PTPRU: variants seen among roughly 807,000 people sequenced by gnomAD.
The protein encoded by PTPRU is protein tyrosine phosphatase receptor type U, also known as receptor-type tyrosine-protein phosphatase U.
Under a neutral mutation model 166.3 loss-of-function variants are expected in PTPRU, and 69 were observed. The ratio of observed to expected loss-of-function variants is 0.41; its 90% CI spans 0.34 to 0.51. The LOEUF (loss-of-function observed/expected upper bound fraction) is 0.51, where lower values mean the gene tolerates loss of function less well. PTPRU is among the 20% of genes least tolerant of loss of function. PTPRU has a pLI of 0.09. For synonymous variants in PTPRU, 793 were observed against 814.0 expected (o/e 0.97, Z 0.44); for missense variants, 1,657 against 2,013.7 (o/e 0.82, Z 3.39).
intron 15 of PTPRU, among the ~76,000 whole-genome samples, chr1:29,299,434 TG>T (rs1318461756): frequency 3.3e-5 from 5 of 152,160 alleles, no homozygotes; most frequent in African/African-American, 1.2e-4. Flanking sequence ...AGTAGGGACC[TG>T]TCCTCTCTGG....
intron 7 of PTPRU, among the ~76,000 whole-genome samples, chr1:29,265,350 C>T (rs564315702): frequency 1.3e-4 from 19 of 151,972 alleles, no homozygotes; most frequent in South Asian, 2.1e-4. Flanking sequence ...CTAGTGATGT[C>T]GAACATCTTT....
Position 29,315,461 on chromosome 1 carries a change from G to A in PTPRU, c.3317G>A (p.Cys1106Tyr). 6.2e-7 allele frequency: 1 copy of A among 1,614,166 alleles called. No individual in the cohort carries two copies. Among genetic ancestry groups the A allele is most frequent in the Non-Finnish European group, 8.5e-7 (1 of 1,180,032 alleles). Residue 1106 changes from cysteine to tyrosine, a missense_variant, in exon 23 of 30, where the codon TGT (cysteine) becomes TAT (tyrosine). By Grantham distance (194) the Cys-to-Tyr change is radical. Around this residue, in one of 3 missense-constraint regions of PTPRU, gnomAD observed 1,190 missense variants for 1,477.4 expected, o/e 0.81. Transcript: ENST00000373779. This position sits in a 1 kb window ranked among gnomAD's most constrained non-coding sequence, Gnocchi z 4.5. ...GAGGGCGTCGTGGACATTTACAACT[G>A]TGTGAAGACTCTCTGCTCCCGGCGT... ...ECEGVVDIYNCVKTLCSRRVN... is the reference protein window; with the variant it reads ...ECEGVVDIYNYVKTLCSRRVN...
intron 26 of PTPRU, chr1:29,323,084 T>TCGCC: frequency 2.8e-6 from 1 of 362,394 alleles, no homozygotes; most frequent in Non-Finnish European, 5.3e-6. Context: ...CCGGTTAAGG[T>TCGCC]GTAGCTTTCT....
intron 7 of PTPRU, among the ~76,000 whole-genome samples, chr1:29,274,285 T>A (rs1363706563): frequency 2.0e-5 from 3 of 152,140 alleles, no homozygotes; most frequent in Non-Finnish European, 4.4e-5. Context: ...GTGATCCGCC[T>A]GCCTCGGCCT....
At chr1:29,253,007 C>T (rs767687107) in intron 1 of PTPRU, among the ~76,000 whole-genome samples, 3 of 152,104 alleles carry the variant, frequency 2.0e-5, no homozygotes, top group South Asian at 2.1e-4. Context: ...CTGGCCGACC[C>T]GCTGCAGGTT....
chr1:29,259,591 GGGGCGGGGT>G, intron 5 of PTPRU, 27 bp downstream of exon 5: 2 of 1,544,336 alleles, frequency 1.3e-6, no homozygotes, highest in Non-Finnish European at 1.8e-6. Context: ...ATCTTGGCTG[GGGGCGGGGT>G]GGGAGGGGGT....
Position 29,303,939 on chromosome 1 carries a change from C to T in PTPRU, c.2561C>T (p.Pro854Leu). 1.9e-6 allele frequency: 3 copies of T among 1,614,078 alleles called. No individual in the cohort carries two copies. Among genetic ancestry groups the T allele is most frequent in the Non-Finnish European group, 2.5e-6 (3 of 1,179,922 alleles). ...PRRPCGRKGSPYHTGQLHPAV... is the reference protein window; with the variant it reads ...PRRPCGRKGSLYHTGQLHPAV... ...CGTCCCTGTGGCCGGAAGGGCTCCC[C>T]ATACCACACGGGGCAGCTGCACCCT... Residue 854 changes from proline (P) to leucine (L), a missense_variant, in exon 16 of 30, where the codon CCA becomes CTA. By Grantham distance (98) the Pro-to-Leu change is moderately conservative. Around this residue, in one of 3 missense-constraint regions of PTPRU, gnomAD observed 1,190 missense variants for 1,477.4 expected, o/e 0.81. Transcript: ENST00000373779.
At chr1:29,284,109 G>A (rs1048852916) in intron 13 of PTPRU, 133 bp downstream of exon 13, 26 of 1,102,514 alleles carry the variant, frequency 2.4e-5, no homozygotes, top group Non-Finnish European at 3.4e-5. Context: ...GCCAGGAGGG[G>A]CTTCCTGCTG....
rs754130407 is a variant in PTPRU, at chr1:29,255,335, A to G, written c.134A>G (p.Gln45Arg). 20 of 1,614,158 alleles carry G rather than the reference A, an allele frequency of 1.2e-5. No individual in the cohort carries two copies. The highest frequency in any genetic ancestry group is 1.5e-5 in the Non-Finnish European group (18 of 1,180,000). ...PAVPCEYSQA[Q>R]YDDFQWEQVR... ...GTGCCCTGCGAGTACAGCCAGGCCCAGTACGATGACTTCCAGTGGGAGCAA... is the reference window on the plus strand; with the variant it reads ...GTGCCCTGCGAGTACAGCCAGGCCCGGTACGATGACTTCCAGTGGGAGCAA... The change falls in exon 2 of 30, where the codon CAG becomes CGG. Residue 45 changes from glutamine (Q) to arginine (R), a missense_variant. Physicochemically the swap from Gln to Arg is conservative, Grantham distance 43. Transcript: ENST00000373779.
intron 2 of PTPRU, among the ~76,000 whole-genome samples, chr1:29,256,900 G>A (rs1394646470): frequency 1.3e-5 from 2 of 152,186 alleles, no homozygotes; most frequent in Non-Finnish European, 2.9e-5. Flanking sequence ...GGGGAGAGGG[G>A]AATTTAGCAA....
intron 18 of PTPRU, among the ~76,000 whole-genome samples, chr1:29,308,781 T>C (rs1038864821): frequency 6.6e-6 from 1 of 152,078 alleles, no homozygotes; most frequent in African/African-American, 2.4e-5. Context: ...CTCAGTACTT[T>C]GGGAGGCTGA....
intron 14 of PTPRU, chr1:29,289,805 A>G: frequency 6.8e-7 from 1 of 1,466,506 alleles, no homozygotes; most frequent in East Asian, 2.4e-5. Context: ...GTCTCGCTGC[A>G]CCCAGCCTGG....
In PTPRU at chr1:29,236,813, T is replaced by A. The variant is rs1361306642; in HGVS notation, c.73+96T>A. 1 of 1,157,390 alleles carries A rather than the reference T, an allele frequency of 8.6e-7. No homozygotes were observed. The highest frequency in any genetic ancestry group is 1.6e-5 in the African/African-American group (1 of 61,846). The allele number at this position is 1,157,390 out of a possible 1,614,324, so 71.7% of individuals were successfully genotyped here. On this transcript the variant is annotated intron_variant, in intron 1 of 29. Transcript: ENST00000373779. This position sits in a 1 kb window ranked among gnomAD's most constrained non-coding sequence, Gnocchi z 4.6. ...GTGTGAGTGTTGAGTGACCGGGCGT[T>A]ACGAGCGTGCTCCCTGTGTGTGTCT...
intron 22 of PTPRU, among the ~76,000 whole-genome samples, chr1:29,314,402 C>T (rs1425697790): frequency 6.6e-6 from 1 of 152,104 alleles, no homozygotes; most frequent in Non-Finnish European, 1.5e-5. Context: ...CTCGCTAGCA[C>T]GTGGATGCCA....
intron 13 of PTPRU, 50 bp downstream of exon 13, chr1:29,284,026 C>T: frequency 6.2e-7 from 1 of 1,606,872 alleles, no homozygotes; most frequent in African/African-American, 1.3e-5. Flanking sequence ...TTCTCACCTG[C>T]CCAGCGCTGG....
At chr1:29,289,836 C>T (rs548973499) in intron 14 of PTPRU, 77 of 1,074,512 alleles carry the variant, frequency 7.2e-5, no homozygotes, top group Non-Finnish European at 1.0e-4. Flanking sequence ...ACCCGGTTCT[C>T]TCTGGTCACC....
chr1:29,323,572 CAG>C, intron 27 of PTPRU, 57 bp from the exon 28 acceptor site: 1 of 1,611,526 alleles, frequency 6.2e-7, no homozygotes, highest in Non-Finnish European at 8.5e-7. Context: ...TCTGTGTCAT[CAG>C]GGGCCCCTGG....
At chr1:29,322,745 T>C (rs910145683) in intron 26 of PTPRU, among the ~76,000 whole-genome samples, 31 of 152,174 alleles carry the variant, frequency 2.0e-4, no homozygotes, top group African/African-American at 7.2e-4. Flanking sequence ...GACTAGAAAC[T>C]GAGGCTCAGG....
At chr1:29,256,064 A>G (rs1454256788) in intron 2 of PTPRU, among the ~76,000 whole-genome samples, 2 of 152,140 alleles carry the variant, frequency 1.3e-5, no homozygotes, top group African/African-American at 2.4e-5. Context: ...CAGTCACTTT[A>G]CCAGCAGTGT....
Sources: gnomAD v4.1 joint callset for allele counts (sites outside exome capture counted in the v4.1 genomes callset) on GRCh38, gnomAD v4.1.1 for gene constraint, gnomAD v4.1.1 regional missense constraint, Gnocchi (gnomAD v3.1) non-coding constraint, MANE v1.5 for transcripts, NCBI Gene and HGNC (gene_info 2026-07-23, HGNC 2026-07-21) for gene names.